Variants in SLC38A2 observed in about 807,000 individuals in gnomAD.
SLC38A2 encodes the protein solute carrier family 38 member 2.
In SLC38A2, 11 loss-of-function variants were observed where a neutral mutation model predicts 61.5. That is an observed-to-expected ratio of 0.18 (90% CI 0.11 to 0.30). SLC38A2 has a LOEUF of 0.30. Among genes scored for constraint, SLC38A2 ranks in the 10% least tolerant of loss-of-function variants. The pLI, the probability that SLC38A2 is intolerant of heterozygous loss-of-function variation, is 1.00. For missense variants in SLC38A2, 522 were observed against 600.4 expected (o/e 0.87, Z 1.36); for synonymous variants, 217 against 212.5 (o/e 1.02, Z -0.18).
Position 46,361,195 on chromosome 12 carries a change from C to T in SLC38A2, c.1437G>A (p.Leu479=). The part of the protein sequence containing the change: ...SVQKIGALFF[L]LSGVLVMTGS... ...CGGTCATCACCAGTACACCACTTAA[C>T]AGGAAGAACAAAGCCTGCAAAGAGC... is the stretch of plus-strand genomic sequence containing the variant. The change falls in exon 16 of 16, where the codon CTG becomes CTA. Residue 479 remains leucine, a synonymous_variant. Transcript: ENST00000256689. 6.2e-7 allele frequency: 1 copy of T among 1,613,436 alleles called. No individual in the cohort carries two copies. Among genetic ancestry groups the T allele is most frequent in the Non-Finnish European group, 8.5e-7 (1 of 1,179,578 alleles).
intron 11 of SLC38A2, 25 bp from the exon 12 acceptor site, chr12:46,363,851 A>AAT (rs1403699487): frequency 5.0e-6 from 8 of 1,587,948 alleles, no homozygotes; most frequent in Non-Finnish European, 6.8e-6. Flanking sequence ...AGAAAATTCA[A>AAT]ATATATATTT....
intron 10 of SLC38A2, 136 bp downstream of exon 10, chr12:46,364,253 A>G: frequency 1.0e-6 from 1 of 991,790 alleles, no homozygotes; most frequent in South Asian, 1.8e-5. Flanking sequence ...AACTTTCTTC[A>G]CAGTCCTCAA....
rs1419912687 is a variant in SLC38A2, at chr12:46,371,319, CAGCTAGT to C, written c.-33_-27del. On this transcript the variant is annotated 5_prime_UTR_variant, in exon 2 of 16. Coordinates refer to ENST00000256689, the MANE Select transcript of SLC38A2 (RefSeq NM_018976.5). ...GCTAAGCACTGGGAGGAATCGGGTG[CAGCTAGT>C]AGCGCTGGGCTCCTTTTGTCCTTGG... 1.9e-6 allele frequency: 3 copies of C among 1,582,998 alleles called. No individual in the cohort carries two copies. The highest frequency in any genetic ancestry group is 1.3e-5 in the African/African-American group (1 of 74,278).
chr12:46,363,717 G>T lies in SLC38A2; in HGVS notation c.1054+9C>A, dbSNP rs749453504. On this transcript the variant is annotated intron_variant, in intron 12 of 15. Transcript: ENST00000256689. ...TTGTTTTTGTTTTGGTAAAGGAGGC[G>T]TTACTTACCGTAAAATGTTAGGTAT... 1.1e-5 allele frequency: 17 copies of T among 1,529,142 alleles called. No homozygotes were observed. Among genetic ancestry groups the T allele is most frequent in the Non-Finnish European group, 1.4e-5 (16 of 1,140,590 alleles). 94.7% of individuals were successfully genotyped at this position (1,529,142 alleles called of 1,614,324 possible). A position where few individuals can be genotyped will look rare whatever the true frequency, so the allele number is the denominator to read the frequency against.
rs1383064132 is a variant in SLC38A2 at position 46,359,211 on chromosome 12, G to C, written c.*1900C>G. 1.3e-5 allele frequency: 2 copies of C among 152,554 alleles called. No homozygotes were observed. The highest frequency in any genetic ancestry group is 4.8e-5 in the African/African-American group (2 of 41,424). The allele number at this position is 152,554 out of a possible 1,614,324, so 9.5% of individuals were successfully genotyped here. On this transcript the variant is annotated 3_prime_UTR_variant, in exon 16 of 16. Coordinates refer to ENST00000256689, the MANE Select transcript of SLC38A2 (RefSeq NM_018976.5). ...TTGCCAATTCTTGGTCTCAACTAGAGGTGAGGTTCTGCATTCGAATGGAGT... is the reference window on the plus strand; with the variant it reads ...TTGCCAATTCTTGGTCTCAACTAGACGTGAGGTTCTGCATTCGAATGGAGT...
chr12:46,370,384 T>C (rs1943182346), intron 4 of SLC38A2, 128 bp downstream of exon 4: 1 of 694,496 alleles, frequency 1.4e-6, no homozygotes, highest in South Asian at 1.8e-5. Context: ...GGGTTTCTCA[T>C]ACTTTTAATT....
chr12:46,370,611 G>GA lies in SLC38A2; in HGVS notation c.214dup (p.Ser72PhefsTer8), dbSNP rs763109662. The GA allele has an allele frequency of 6.2e-7, 1 of 1,613,722 alleles. No homozygotes were observed. Among genetic ancestry groups the GA allele is most frequent in the South Asian group, 1.1e-5 (1 of 91,076 alleles). On this transcript the variant is annotated frameshift_variant, in exon 4 of 16. Coordinates refer to ENST00000256689, the MANE Select transcript of SLC38A2 (RefSeq NM_018976.5). LOFTEE classifies it high-confidence loss of function. ...CAGATTAAATACTGACATTCCAAAG[G>GA]AAGTAGTACCTGGATGCTACATAGA... is the stretch of plus-strand genomic sequence containing the variant.
In SLC38A2 at chr12:46,363,202, A is replaced by G. The variant is rs1003155618; in HGVS notation, c.1055-57T>C. 6.3e-6 allele frequency: 10 copies of G among 1,581,920 alleles called. No homozygotes were observed. The Admixed American group carries it at 1.6e-4, about 25-fold the overall frequency. ...GCTGTTTTCATTGGACACCAAGTAG[A>G]AAATTTAACAGCAAAATGTGCACCA... On this transcript the variant is annotated intron_variant, in intron 12 of 15. Transcript: ENST00000256689.
rs1317246040 is a variant in SLC38A2 at position 46,367,967 on chromosome 12, A to G, written c.315-627T>C. Among the ~76,000 whole-genome samples the G allele has an allele frequency of 2.6e-5, 4 of 152,104 alleles. No homozygotes were observed. In the East Asian group the frequency reaches 7.7e-4, roughly 29 times the overall value. ...GGACAACATAACATAGGGAAGCCAC[A>G]TCTCTACCGAAGGAAAAACAAAAAG... is the stretch of plus-strand genomic sequence containing the variant. On this transcript the variant is annotated intron_variant, in intron 4 of 15. Coordinates refer to ENST00000256689, the MANE Select transcript of SLC38A2 (RefSeq NM_018976.5).
chr12:46,366,466 G>GT (rs1391339905), intron 7 of SLC38A2, among the ~76,000 whole-genome samples: 2 of 152,084 alleles, frequency 1.3e-5, no homozygotes, highest in African/African-American at 4.8e-5. Flanking sequence ...TGTCCAGCCT[G>GT]TATTTTGCAT....
chr12:46,360,591 A>C lies in SLC38A2; in HGVS notation c.*520T>G, dbSNP rs1943070815. 6.6e-6 allele frequency: 1 copy of C among 152,498 alleles called. No homozygotes were observed. Among genetic ancestry groups the C allele is most frequent in the Non-Finnish European group, 1.5e-5 (1 of 68,082 alleles). The allele number at this position is 152,498 out of a possible 1,614,324, so 9.4% of individuals were successfully genotyped here. ...ACATTATTTTATGGAATTTATTGAT[A>C]ACTGCTTCTGAATAAAGTTCAAAAA... is the stretch of plus-strand genomic sequence containing the variant. On this transcript the variant is annotated 3_prime_UTR_variant, in exon 16 of 16. Transcript: ENST00000256689.
At chr12:46,366,506 C>G (rs141520563) in intron 7 of SLC38A2, among the ~76,000 whole-genome samples, 408 of 152,212 alleles carry the variant, frequency 2.7e-3, no homozygotes, top group African/African-American at 9.4e-3. Flanking sequence ...GAATTCCAAA[C>G]TTACAAAAAT....
rs1261942537 is a variant in SLC38A2, at chr12:46,360,176, A to C, written c.*935T>G. 2 of 152,672 alleles carry C rather than the reference A, an allele frequency of 1.3e-5. No individual in the cohort carries two copies. The highest frequency in any genetic ancestry group is 4.8e-5 in the African/African-American group (2 of 41,470). The allele number at this position is 152,672 out of a possible 1,614,324, so 9.5% of individuals were successfully genotyped here. A position where few individuals can be genotyped will look rare whatever the true frequency, so the allele number is the denominator to read the frequency against. On this transcript the variant is annotated 3_prime_UTR_variant, in exon 16 of 16. Coordinates refer to ENST00000256689, the MANE Select transcript of SLC38A2 (RefSeq NM_018976.5). ...CAGAGCTGTCAATACAACACTGGAG[A>C]CAGATGCAACTGAATAAACCCTGTT...
chr12:46,372,372 A>C (rs1252072657), intron 1 of SLC38A2, 137 bp downstream of exon 1: 3 of 237,668 alleles, frequency 1.3e-5, no homozygotes, highest in East Asian at 7.1e-5. Flanking sequence ...AAGGCTGGCC[A>C]GCCCAACCGA....
In SLC38A2 at chr12:46,366,849, T is replaced by C. The variant is rs1271470867; in HGVS notation, c.563+15A>G. 1.9e-6 allele frequency: 3 copies of C among 1,599,198 alleles called. No homozygotes were observed. The highest frequency in any genetic ancestry group is 1.7e-6 in the Non-Finnish European group (2 of 1,174,860). On this transcript the variant is annotated intron_variant, in intron 7 of 15. Coordinates refer to ENST00000256689, the MANE Select transcript of SLC38A2 (RefSeq NM_018976.5). ...CTATAATTGTTTCTTATGAGTAACC[T>C]TACTTAGCACCTACCCAGTTTTATC...
chr12:46,364,252 C>T, intron 10 of SLC38A2, 137 bp downstream of exon 10: 3 of 987,550 alleles, frequency 3.0e-6, no homozygotes, highest in Non-Finnish European at 4.4e-6. Flanking sequence ...AAACTTTCTT[C>T]ACAGTCCTCA....
chr12:46,367,249 T>C lies in SLC38A2; in HGVS notation c.388+18A>G. ...ATAGGTATACATTGTTTTAGAAAAA[T>C]CAAGAATGCTATCATACCTCCTTCA... On this transcript the variant is annotated intron_variant, in intron 5 of 15. Transcript: ENST00000256689. 1 of 1,590,540 alleles carries C rather than the reference T, an allele frequency of 6.3e-7. No homozygotes were observed. Among genetic ancestry groups the C allele is most frequent in the Non-Finnish European group, 8.6e-7 (1 of 1,159,504 alleles).
chr12:46,371,562 G>A (rs1943201509), intron 1 of SLC38A2, 183 bp from the exon 2 acceptor site: 3 of 433,640 alleles, frequency 6.9e-6, no homozygotes, highest in Non-Finnish European at 1.2e-5. Flanking sequence ...GCCGCGGGGA[G>A]AACAAAGATG....
chr12:46,362,314 T>G lies in SLC38A2; in HGVS notation c.1392A>C (p.Lys464Asn). ...PSAFYIKLVK[K>N]EPMKSVQKIG... ...TCTTTTGTACAGATTTCATAGGTTC[T>G]TTCTTCACCAACTTGATATAGAAGG... Residue 464 changes from lysine (K) to asparagine (N), a missense_variant, in exon 15 of 16, where the codon AAA (lysine) becomes AAC (asparagine). Physicochemically the swap from Lys to Asn is moderately conservative, Grantham distance 94 (BLOSUM62 0). Around this residue, in one of 3 missense-constraint regions of SLC38A2, gnomAD observed 309 missense variants for 343.9 expected, o/e 0.90. Transcript: ENST00000256689. 2 of 1,612,182 alleles carry G rather than the reference T, an allele frequency of 1.2e-6. No homozygotes were observed. Among genetic ancestry groups the G allele is most frequent in the Non-Finnish European group, 1.7e-6 (2 of 1,179,090 alleles).
Sources: allele counts gnomAD v4.1 joint callset (sites outside exome capture counted in the v4.1 genomes callset), GRCh38; gene constraint gnomAD v4.1.1; regional missense constraint gnomAD v4.1.1; transcripts MANE v1.5; gene names NCBI Gene and HGNC (gene_info 2026-07-23, HGNC 2026-07-21).